Variants in NLGN1 observed in about 807,000 individuals in gnomAD.
The protein encoded by NLGN1 is neuroligin-1.
NLGN1 carries 12 observed loss-of-function variants against 65.5 expected under a neutral mutation model. The ratio of observed to expected loss-of-function variants is 0.18; its 90% CI spans 0.12 to 0.30. NLGN1 has a LOEUF of 0.30. NLGN1 is among the 10% of genes least tolerant of loss of function. The pLI, the probability that NLGN1 is intolerant of heterozygous loss-of-function variation, is 1.00. For synonymous variants in NLGN1, 350 were observed against 359.5 expected (o/e 0.97, Z 0.30); for missense variants, 750 against 1,007.1 (o/e 0.74, Z 3.46).
chr3:173,796,907 T>C (rs1714201572), intron 3 of NLGN1, among the ~76,000 whole-genome samples: 1 of 152,172 alleles, frequency 6.6e-6, no homozygotes, highest in Non-Finnish European at 1.5e-5. Context: ...CTACTTTTCA[T>C]AAAAAATTAA....
intron 4 of NLGN1, among the ~76,000 whole-genome samples, chr3:174,190,515 T>C (rs1732189945): frequency 1.3e-5 from 2 of 152,058 alleles, no homozygotes; most frequent in South Asian, 2.1e-4. Context: ...ATTACACTTA[T>C]TGATACAACT....
rs114753786 is a variant in NLGN1 at position 173,761,397 on chromosome 3, A to T, written c.494-46283A>T. 8.5e-3 allele frequency among the ~76,000 whole-genome samples: 1,298 copies of T among 152,128 alleles called. 19 individuals carry two copies. The highest frequency in any genetic ancestry group is 0.03 in the African/African-American group (1,238 of 41,548). On this transcript the variant is annotated intron_variant, in intron 3 of 6. Transcript: ENST00000457714. ...ATTAGATAAGCTGCGTTTAGTGGCT[A>T]TGACAGATGGACATGGAGTCGATGG...
chr3:173,969,387 T>C (rs1235778660), intron 4 of NLGN1, among the ~76,000 whole-genome samples: 1 of 152,262 alleles, frequency 6.6e-6, no homozygotes, highest in Non-Finnish European at 1.5e-5. Flanking sequence ...AGTAACATAA[T>C]TAGCTAGGTA....
chr3:173,427,391 A>G (rs56762710), intron 1 of NLGN1, among the ~76,000 whole-genome samples: 4,368 of 151,700 alleles, frequency 0.029, 205 homozygotes, highest in African/African-American at 0.1. Flanking sequence ...TTTCCTTTAG[A>G]TGCATAGTTA....
intron 4 of NLGN1, among the ~76,000 whole-genome samples, chr3:174,027,066 TA>T (rs3035805): frequency 8.7e-5 from 13 of 149,322 alleles, no homozygotes; most frequent in South Asian, 2.1e-4. Context: ...TCAATTTTTT[TA>T]AAAAAAAAAA....
At chr3:173,570,080 A>G (rs1744387867) in intron 2 of NLGN1, among the ~76,000 whole-genome samples, 2 of 152,142 alleles carry the variant, frequency 1.3e-5, no homozygotes, top group Non-Finnish European at 2.9e-5. Flanking sequence ...CTTAACCCCA[A>G]CCTATCTTGG....
At chr3:174,027,706 A>G (rs1309288193) in intron 4 of NLGN1, among the ~76,000 whole-genome samples, 2 of 152,174 alleles carry the variant, frequency 1.3e-5, no homozygotes, top group African/African-American at 4.8e-5. Flanking sequence ...CTGTCTAATG[A>G]ATTTTTAAAA....
At chr3:173,983,029 C>T (rs1332190353) in intron 4 of NLGN1, among the ~76,000 whole-genome samples, 3 of 152,096 alleles carry the variant, frequency 2.0e-5, no homozygotes, top group African/African-American at 7.2e-5. Context: ...CCATTTCATT[C>T]TTTTTCTCTC....
At chr3:174,256,952 T>C (rs1745890408) in intron 4 of NLGN1, among the ~76,000 whole-genome samples, 1 of 152,038 alleles carries the variant, frequency 6.6e-6, no homozygotes, top group African/African-American at 2.4e-5. Context: ...AGTAAAGAAA[T>C]TATCAACAGA....
At chr3:174,285,875 GA>G (rs1157625164) in exon 7 of NLGN1, 3 of 151,178 alleles carry the variant, frequency 2.0e-5, no homozygotes, top group Non-Finnish European at 4.4e-5. Context: ...TACCAATAAA[GA>G]AAGTTTATTT....
chr3:174,153,128 G>A (rs1410272431), intron 4 of NLGN1, among the ~76,000 whole-genome samples: 5 of 152,012 alleles, frequency 3.3e-5, no homozygotes, highest in Admixed American at 3.3e-4. Context: ...TGATTTCATA[G>A]GCTTCAAATC....
intron 3 of NLGN1, among the ~76,000 whole-genome samples, chr3:173,626,725 A>AT (rs529934537): frequency 2.1e-4 from 32 of 152,210 alleles, no homozygotes; most frequent in Non-Finnish European, 3.8e-4. Context: ...CTGAAAAATG[A>AT]TGTCACCATT....
chr3:173,591,613 C>G (rs1748500005), intron 2 of NLGN1, among the ~76,000 whole-genome samples: 1 of 152,148 alleles, frequency 6.6e-6, no homozygotes, highest in African/African-American at 2.4e-5. Context: ...ATTGACACAC[C>G]CTGGCACAGG....
At chr3:173,721,914 C>G (rs1037416639) in intron 3 of NLGN1, among the ~76,000 whole-genome samples, 2 of 147,586 alleles carry the variant, frequency 1.4e-5, no homozygotes, top group Non-Finnish European at 3.0e-5. Flanking sequence ...GTTGGTGTGA[C>G]ATGATGGGCA....
chr3:173,561,059 G>A (rs1347771117), intron 2 of NLGN1, among the ~76,000 whole-genome samples: 1 of 152,116 alleles, frequency 6.6e-6, no homozygotes, highest in Non-Finnish European at 1.5e-5. Context: ...TTAAAGAGGA[G>A]CCTAGATTGT....
At chr3:173,879,456 T>C (rs1732807211) in intron 4 of NLGN1, among the ~76,000 whole-genome samples, 1 of 152,122 alleles carries the variant, frequency 6.6e-6, no homozygotes, top group Admixed American at 6.5e-5. Flanking sequence ...TTTAAAATAG[T>C]TTCTATATCG....
intron 4 of NLGN1, among the ~76,000 whole-genome samples, chr3:174,234,838 A>G (rs576553516): frequency 6.6e-6 from 1 of 152,156 alleles, no homozygotes; most frequent in South Asian, 2.1e-4. Context: ...AACGTAAAAC[A>G]AAATTATATA....
At chr3:173,818,066 G>A (rs925490898) in intron 4 of NLGN1, among the ~76,000 whole-genome samples, 4 of 152,118 alleles carry the variant, frequency 2.6e-5, no homozygotes, top group African/African-American at 9.7e-5. Context: ...CTTTCTTTCA[G>A]AGCAGAAGTC....
At chr3:173,601,252 A>G (rs1444271970) in intron 2 of NLGN1, among the ~76,000 whole-genome samples, 1 of 152,006 alleles carries the variant, frequency 6.6e-6, no homozygotes, top group Non-Finnish European at 1.5e-5. Flanking sequence ...CATACAAAAG[A>G]ATACAGGGAA....
Sources: gnomAD v4.1 joint callset for allele counts (sites outside exome capture counted in the v4.1 genomes callset) on GRCh38, gnomAD v4.1.1 for gene constraint, MANE v1.5 for transcripts, NCBI Gene and HGNC (gene_info 2026-07-23, HGNC 2026-07-21) for gene names.